DLG1: variants seen among roughly 807,000 people sequenced by gnomAD.
The protein encoded by DLG1 is discs large MAGUK scaffold protein 1.
Under a neutral mutation model 123.4 loss-of-function variants are expected in DLG1, and 42 were observed. The observed-to-expected ratio is 0.34, with a 90% CI of 0.27 to 0.44. The LOEUF (loss-of-function observed/expected upper bound fraction) is 0.44. Ranked by LOEUF, DLG1 falls within the 20% of genes least tolerant of loss-of-function variation. The pLI is 1.00. For synonymous variants in DLG1, 317 were observed against 356.2 expected (o/e 0.89, Z 1.24); for missense variants, 942 against 1,082.6 (o/e 0.87, Z 1.82).
chr3:197,225,173 C>A (rs140137820), intron 4 of DLG1, among the ~76,000 whole-genome samples: 1 of 152,132 alleles, frequency 6.6e-6, no homozygotes, highest in Non-Finnish European at 1.5e-5. Flanking sequence ...TTAACCAGGA[C>A]GGTCTCGATC....
chr3:197,255,873 T>C (rs147473622), intron 4 of DLG1, among the ~76,000 whole-genome samples: 82 of 152,232 alleles, frequency 5.4e-4, no homozygotes, highest in African/African-American at 1.8e-3. Context: ...TGTCTTTCTA[T>C]GGATAGTGAT....
intron 4 of DLG1, among the ~76,000 whole-genome samples, chr3:197,219,676 GTCCAATCTGACTGGTT>G (rs1052900199): frequency 1.3e-5 from 2 of 152,168 alleles, no homozygotes; most frequent in African/African-American, 4.8e-5. Flanking sequence ...GGGTGTGGTA[GTCCAATCTGACTGGTT>G]TCCTTACAAA....
chr3:197,061,803 C>T (rs1578330791), intron 22 of DLG1, among the ~76,000 whole-genome samples: 1 of 152,012 alleles, frequency 6.6e-6, no homozygotes, highest in East Asian at 1.9e-4. Context: ...ATTAGTGATC[C>T]TAATTTTGAT....
chr3:197,207,586 GGAGT>G (rs1439971512), intron 4 of DLG1, among the ~76,000 whole-genome samples: 14 of 152,212 alleles, frequency 9.2e-5, no homozygotes, highest in Middle Eastern at 3.4e-3. Context: ...CTATAGATAA[GGAGT>G]AAGTGTGCAC....
intron 4 of DLG1, among the ~76,000 whole-genome samples, chr3:197,258,647 A>G (rs1757959542): frequency 6.6e-6 from 1 of 152,182 alleles, no homozygotes; most frequent in Non-Finnish European, 1.5e-5. Flanking sequence ...ACACTGTCAG[A>G]CTTTTAAAAC....
chr3:197,085,712 C>T lies in DLG1; in HGVS notation c.1706G>A (p.Ser569Asn). ...TCCAAATTTGAAGTTCAGTCCCTGA[C>T]TGGGAAGCCCACTGTCTTTAGTCTT... The part of the protein sequence containing the change: ...YDKTKDSGLP[S>N]QGLNFKFGDI... Residue 569 changes from serine (S) to asparagine (N), a missense_variant, in exon 16 of 25, where the codon AGT becomes AAT. Ser to Asn is a conservative substitution (Grantham distance 46, BLOSUM62 1). Transcript: ENST00000667157. 2 of 1,613,830 alleles carry T rather than the reference C, an allele frequency of 1.2e-6. No homozygotes were observed. The highest frequency in any genetic ancestry group is 8.5e-7 in the Non-Finnish European group (1 of 1,179,968).
chr3:197,263,195 C>T (rs1361764951), intron 4 of DLG1, among the ~76,000 whole-genome samples: 1 of 152,178 alleles, frequency 6.6e-6, no homozygotes, highest in East Asian at 1.9e-4. Flanking sequence ...TCTGAAGTTT[C>T]TCTTGTGAAA....
chr3:197,224,533 C>T (rs1409472949), intron 4 of DLG1, among the ~76,000 whole-genome samples: 1 of 152,156 alleles, frequency 6.6e-6, no homozygotes, highest in Non-Finnish European at 1.5e-5. Context: ...TTAAACAATG[C>T]ATATGAATTT....
chr3:197,063,286 A>AT (rs1156658579), intron 22 of DLG1, among the ~76,000 whole-genome samples: 2 of 150,220 alleles, frequency 1.3e-5, no homozygotes, highest in Non-Finnish European at 3.0e-5. Context: ...TTTATTTTTG[A>AT]TTTTTTTAAA....
chr3:197,269,094 T>C (rs1249704760), intron 4 of DLG1, among the ~76,000 whole-genome samples: 1 of 152,226 alleles, frequency 6.6e-6, no homozygotes, highest in Admixed American at 6.5e-5. Context: ...TTTTCTAAAA[T>C]AAGTAGAAGT....
intron 10 of DLG1, among the ~76,000 whole-genome samples, chr3:197,132,002 A>C (rs1470398806): frequency 1.3e-5 from 2 of 152,168 alleles, no homozygotes; most frequent in South Asian, 4.1e-4. Context: ...TCTTTCTAGC[A>C]ATCTGTCAAT....
intron 4 of DLG1, among the ~76,000 whole-genome samples, chr3:197,201,059 T>C (rs1725402441): frequency 6.6e-6 from 1 of 152,212 alleles, no homozygotes; most frequent in Admixed American, 6.5e-5. Context: ...TCCTGTTTGC[T>C]GATGACATCA....
intron 1 of DLG1, chr3:197,298,020 C>T (rs1429316190): frequency 1.3e-6 from 1 of 781,034 alleles, no homozygotes; most frequent in Non-Finnish European, 1.6e-6. Flanking sequence ...TCGCCGCGGC[C>T]CCCCGGCCCG....
At chr3:197,263,589 C>T (rs144669507) in intron 4 of DLG1, among the ~76,000 whole-genome samples, 201 of 152,228 alleles carry the variant, frequency 1.3e-3, no homozygotes, top group African/African-American at 4.6e-3. Flanking sequence ...GAGTTCGAGA[C>T]CAGCCTGGCC....
rs945906818 is a variant in DLG1, at chr3:197,172,495, T to C, written c.483+21930A>G. On this transcript the variant is annotated intron_variant, in intron 5 of 24. Coordinates refer to ENST00000667157, the MANE Select transcript of DLG1 (RefSeq NM_001366207.1). ...CAGATTTCTGTTCTGTTCACTCCTA[T>C]ATGCCCAGTGCCTAGAAAAGTGCAC... 3.9e-5 allele frequency among the ~76,000 whole-genome samples: 6 copies of C among 152,184 alleles called. No individual in the cohort carries two copies. The East Asian group carries it at 5.8e-4, about 15-fold the overall frequency.
intron 5 of DLG1, among the ~76,000 whole-genome samples, chr3:197,180,564 A>G (rs1809681249): frequency 6.6e-6 from 1 of 152,234 alleles, no homozygotes; most frequent in South Asian, 2.1e-4. Context: ...ATTTAACATT[A>G]AAAAATAAAA....
intron 4 of DLG1, among the ~76,000 whole-genome samples, chr3:197,276,998 C>A (rs553796519): frequency 1.1e-3 from 164 of 150,890 alleles, no homozygotes; most frequent in African/African-American, 3.1e-3. Flanking sequence ...CTCAAGCGAT[C>A]TTCCCACCTC....
chr3:197,219,140 G>A (rs1359905033), intron 4 of DLG1, among the ~76,000 whole-genome samples: 3 of 150,384 alleles, frequency 2.0e-5, no homozygotes, highest in Admixed American at 6.6e-5. Flanking sequence ...CAAAAAAAAA[G>A]AAGAAAAAAA....
At chr3:197,154,232 G>A (rs1045135688) in intron 5 of DLG1, among the ~76,000 whole-genome samples, 1 of 151,960 alleles carries the variant, frequency 6.6e-6, no homozygotes, top group Non-Finnish European at 1.5e-5. Flanking sequence ...AACCTAGGAG[G>A]TGGAGGTTGC....
Sources: gnomAD v4.1 joint callset for allele counts (sites outside exome capture counted in the v4.1 genomes callset) on GRCh38, gnomAD v4.1.1 for gene constraint, MANE v1.5 for transcripts, NCBI Gene and HGNC (gene_info 2026-07-23, HGNC 2026-07-21) for gene names.